Variants in CLCN2 observed in about 807,000 individuals in gnomAD.
CLCN2 encodes the protein chloride voltage-gated channel 2.
Under a neutral mutation model 108.3 loss-of-function variants are expected in CLCN2, and 72 were observed. The observed-to-expected ratio is 0.66, with a 90% CI of 0.55 to 0.81. CLCN2 has a LOEUF of 0.81. Ranked by LOEUF, CLCN2 falls within the 30% of genes least tolerant of loss-of-function variation. The probability of loss-of-function intolerance (pLI) is 0.00; values close to 1 mark genes in which losing one functional copy is unlikely to be tolerated. For missense variants in CLCN2, 1,048 were observed against 1,205.2 expected, an observed-to-expected ratio of 0.87 and a Z score of 1.93; for synonymous variants, 471 against 467.1, an observed-to-expected ratio of 1.01 and a Z score of -0.11.
chr3:184,350,712 C>T (rs147088491), intron 22 of CLCN2, among the ~76,000 whole-genome samples: 6 of 152,276 alleles, frequency 3.9e-5, no homozygotes, highest in Non-Finnish European at 8.8e-5. Context: ...GCTGGGATTA[C>T]AGGTGTAAGC....
chr3:184,349,921 C>T (rs912652060), intron 22 of CLCN2, among the ~76,000 whole-genome samples: 1 of 152,170 alleles, frequency 6.6e-6, no homozygotes, highest in African/African-American at 2.4e-5. Flanking sequence ...GCCGGCACAG[C>T]GATCTCCAGT....
intron 15 of CLCN2, 59 bp downstream of exon 15, chr3:184,354,042 G>T (rs2108565288): frequency 1.3e-6 from 2 of 1,545,038 alleles, no homozygotes; most frequent in East Asian, 4.5e-5. Context: ...GGCTGTAGGG[G>T]GATCTAGGAT....
intron 15 of CLCN2, 93 bp from the exon 16 acceptor site, chr3:184,353,888 C>G: frequency 1.3e-6 from 2 of 1,548,674 alleles, no homozygotes; most frequent in Admixed American, 1.9e-5. Flanking sequence ...GGCTCCAGAG[C>G]CCATCCATGG....
At chr3:184,356,908 C>T in intron 10 of CLCN2, 85 bp downstream of exon 10, 1 of 933,710 alleles carries the variant, frequency 1.1e-6, no homozygotes, top group South Asian at 1.3e-5. Flanking sequence ...TTGACTGGGC[C>T]ATTCTCTCCC....
At position 184,357,097 on chromosome 3, in the gene CLCN2, G is replaced by A. The variant is rs1386252936; in HGVS notation, c.984-3C>T. 1 of 1,612,890 alleles carries A rather than the reference G, an allele frequency of 6.2e-7. No homozygotes were observed. The highest frequency in any genetic ancestry group is 1.1e-5 in the South Asian group (1 of 90,888). On this transcript the variant is annotated splice_region_variant and splice_polypyrimidine_tract_variant and intron_variant, in intron 9 of 23. Transcript: ENST00000265593. ...CTCCACCGAAGCCACTAGCAATACTGGAAAGGGAAGAGGCACCTGAGTGAA... is the reference window on the plus strand; with the variant it reads ...CTCCACCGAAGCCACTAGCAATACTAGAAAGGGAAGAGGCACCTGAGTGAA...
intron 1 of CLCN2, 146 bp from the exon 2 acceptor site, chr3:184,359,277 G>T: frequency 9.7e-7 from 1 of 1,030,330 alleles, no homozygotes; most frequent in Non-Finnish European, 1.5e-6. Flanking sequence ...GGCCCGAGGT[G>T]TGGGAACAAT....
intron 22 of CLCN2, chr3:184,348,377 T>G (rs2108555469): frequency 6.6e-6 from 1 of 151,604 alleles, no homozygotes; most frequent in East Asian, 1.9e-4. Context: ...TCCCAGCTAC[T>G]TGGGGGCGCT....
In CLCN2 at chr3:184,355,477, C is replaced by A; in HGVS notation, c.1223G>T (p.Arg408Leu). The change falls in exon 12 of 24, where the codon CGC becomes CTC. Residue 408 changes from arginine (R) to leucine (L), a missense_variant. Transcript: ENST00000265593. The surrounding 1 kb of genome is among the most constrained non-coding windows in gnomAD (Gnocchi z 6.3). ...VTLFDNRTWV[R>L]QGLVEELEPP... is the part of the protein sequence containing the mutation. ...TTCTAGCTCCTCCACCAGGCCCTGG[C>A]GGACCCACGTCCGATTGTCAAACAG... 1 of 1,614,002 alleles carries A rather than the reference C, an allele frequency of 6.2e-7. No individual in the cohort carries two copies. Among genetic ancestry groups the A allele is most frequent in the East Asian group, 2.2e-5 (1 of 44,868 alleles).
Position 184,358,180 on chromosome 3 carries a change from A to G in CLCN2, c.481+2T>C. 2 of 1,614,028 alleles carry G rather than the reference A, an allele frequency of 1.2e-6. No individual in the cohort carries two copies. Among genetic ancestry groups the G allele is most frequent in the Non-Finnish European group, 1.7e-6 (2 of 1,180,014 alleles). ...CTGCCCTCCCCTTCTCTTCTAACAT[A>G]CCGACAGCCTGAGGGGCCAGGATCT... On this transcript the variant is annotated splice_donor_variant, in intron 4 of 23. Transcript: ENST00000265593. LOFTEE classifies it high-confidence loss of function.
In CLCN2 at chr3:184,358,686, C is replaced by T. The variant is rs528325999; in HGVS notation, c.348G>A (p.Leu116=). The change falls in exon 3 of 24, where the codon CTG becomes CTA. Residue 116 remains leucine, a synonymous_variant. Transcript: ENST00000265593. ...WVMDYAIAAC[L]QAQQWMSRGL... ...CCTGCCAGCTGTCACCCTCACCTTG[C>T]AGACAGGCAGCAATGGCATAGTCCA... The T allele has an allele frequency of 1.9e-6, 3 of 1,574,686 alleles. No individual in the cohort carries two copies. The highest frequency in any genetic ancestry group is 3.7e-5 in the Admixed American group (2 of 54,530).
Position 184,355,770 on chromosome 3 carries a change from A to G in CLCN2, c.1094T>C (p.Leu365Pro). ...INRFLMRKRL[L>P]FPALVTLLIS... The stretch of plus-strand genomic sequence containing the variant: ...GAGCAGGGTCACCAGAGCCGGGAAG[A>G]GCAGGCGTCTAGAGTCGTAGGTTTC... The change falls in exon 11 of 24, where the codon CTC becomes CCC. Residue 365 changes from leucine (L) to proline (P), a missense_variant. Leu to Pro is a moderately conservative substitution (Grantham distance 98). Transcript: ENST00000265593. This position sits in a 1 kb window ranked among gnomAD's most constrained non-coding sequence, Gnocchi z 6.3. 6.2e-7 allele frequency: 1 copy of G among 1,614,144 alleles called. No individual in the cohort carries two copies. The highest frequency in any genetic ancestry group is 8.5e-7 in the Non-Finnish European group (1 of 1,180,000).
chr3:184,354,967 T>A lies in CLCN2; in HGVS notation c.1333A>T (p.Met445Leu), dbSNP rs1313772495. Reference protein sequence around the residue: ...LVIFILMKFWMSALATTIPVP... With the variant: ...LVIFILMKFWLSALATTIPVP... ...GGGATGGTGGTGGCCAGTGCAGACA[T>A]CCAGAACTGCAGGCAGGGGGTGGTT... The change falls in exon 13 of 24, where the codon ATG becomes TTG. Residue 445 changes from methionine (M) to leucine (L), a missense_variant. Physicochemically the swap from Met to Leu is conservative, Grantham distance 15 (BLOSUM62 2). Transcript: ENST00000265593. 3 of 1,613,690 alleles carry A rather than the reference T, an allele frequency of 1.9e-6. No individual in the cohort carries two copies.
Position 184,357,372 on chromosome 3 carries a change from G to A in CLCN2, c.888C>T (p.Asn296=). ...AFIFRVLAVW[N]RDEETITALF... is the part of the protein sequence containing the mutation. ...CCTGGGTGCCCCCACCTTCATCCCG[G>A]TTCCAGACTGCCAAGACCCGGAAGA... Residue 296 remains asparagine, a synonymous_variant, in exon 8 of 24, where the codon AAC becomes AAT. Transcript: ENST00000265593. The A allele has an allele frequency of 6.2e-7, 1 of 1,614,090 alleles. No individual in the cohort carries two copies. The highest frequency in any genetic ancestry group is 8.5e-7 in the Non-Finnish European group (1 of 1,180,032).
chr3:184,351,082 TTTTG>T (rs2108559502), intron 22 of CLCN2, among the ~76,000 whole-genome samples: 1 of 152,264 alleles, frequency 6.6e-6, no homozygotes, highest in African/African-American at 2.4e-5. Context: ...ATTTTTGCCT[TTTTG>T]TTTCTCTTTT....
intron 22 of CLCN2, among the ~76,000 whole-genome samples, chr3:184,351,806 C>T (rs879857958): frequency 6.6e-6 from 1 of 152,154 alleles, no homozygotes; most frequent in African/African-American, 2.4e-5. Flanking sequence ...AGAGGAAAAA[C>T]GATGCCTGGC....
chr3:184,353,359 A>G lies in CLCN2; in HGVS notation c.1919T>C (p.Leu640Pro). The part of the protein sequence containing the change: ...SQVVALLGAQ[L>P]SPARRRQHMQ... ...GTGCTGCCGCCGGCGGGCTGGGCTC[A>G]GCTGGGCCCCCAACAATGCCACCAC... Residue 640 changes from leucine (L) to proline (P), a missense_variant, in exon 17 of 24, where the codon CTG (leucine) becomes CCG (proline). By Grantham distance (98) the Leu-to-Pro change is moderately conservative. Coordinates refer to ENST00000265593, the MANE Select transcript of CLCN2 (RefSeq NM_004366.6). 6.2e-7 allele frequency: 1 copy of G among 1,613,082 alleles called. No individual in the cohort carries two copies. The highest frequency in any genetic ancestry group is 1.1e-5 in the South Asian group (1 of 91,078).
intron 15 of CLCN2, 150 bp downstream of exon 15, chr3:184,353,951 G>A: frequency 2.2e-6 from 3 of 1,360,042 alleles, no homozygotes; most frequent in Non-Finnish European, 3.1e-6. Flanking sequence ...TGAACAGCAG[G>A]GGCCAGCTAC....
rs763003074 is a variant in CLCN2, at chr3:184,357,445, A to G, written c.815T>C (p.Val272Ala). 15 of 1,614,040 alleles carry G rather than the reference A, an allele frequency of 9.3e-6. No individual in the cohort carries two copies. The highest frequency in any genetic ancestry group is 1.3e-5 in the African/African-American group (1 of 74,924). ...SIEVTSTFFA[V>A]RNYWRGFFAA... ...GAAGAAGCCCCGCCAGTAGTTCCGCACTGCAAAGAAGGTGGAGGTGACCTC... is the reference window on the plus strand; with the variant it reads ...GAAGAAGCCCCGCCAGTAGTTCCGCGCTGCAAAGAAGGTGGAGGTGACCTC... Residue 272 changes from valine to alanine, a missense_variant, in exon 8 of 24, where the codon GTG becomes GCG. Val to Ala is a moderately conservative substitution (Grantham distance 64). Transcript: ENST00000265593.
rs558546604 is a variant in CLCN2, at chr3:184,355,282, T to C, written c.1326+92A>G. ...GATAATAGTGCCTTTCCCATGGCAC[T>C]GTGGAGAGGCTTCGAGGAGTGAGCA... is the stretch of plus-strand genomic sequence containing the variant. On this transcript the variant is annotated intron_variant, in intron 12 of 23. Coordinates refer to ENST00000265593, the MANE Select transcript of CLCN2 (RefSeq NM_004366.6). This position sits in a 1 kb window ranked among gnomAD's most constrained non-coding sequence, Gnocchi z 6.3. 1 of 1,393,590 alleles carries C rather than the reference T, an allele frequency of 7.2e-7. No individual in the cohort carries two copies. The highest frequency in any genetic ancestry group is 2.3e-5 in the East Asian group (1 of 43,862). The allele number at this position is 1,393,590 out of a possible 1,614,324, so 86.3% of individuals were successfully genotyped here.
Sources: gnomAD v4.1 joint callset for allele counts (sites outside exome capture counted in the v4.1 genomes callset) on GRCh38, gnomAD v4.1.1 for gene constraint, Gnocchi (gnomAD v3.1) non-coding constraint, MANE v1.5 for transcripts, NCBI Gene and HGNC (gene_info 2026-07-23, HGNC 2026-07-21) for gene names.